Variants in EIPR1 observed in about 807,000 individuals in gnomAD.
The protein encoded by EIPR1 is EARP complex and GARP complex interacting protein 1.
Under a neutral mutation model 48.1 loss-of-function variants are expected in EIPR1, and 25 were observed. The observed-to-expected ratio is 0.52, with a 90% CI of 0.38 to 0.73. EIPR1 has a LOEUF of 0.73. EIPR1 is among the 30% of genes least tolerant of loss of function. EIPR1 has a pLI of 0.00. For synonymous variants in EIPR1, 204 were observed against 201.9 expected (o/e 1.01, Z -0.09); for missense variants, 415 against 506.2 (o/e 0.82, Z 1.73).
intron 3 of EIPR1, among the ~76,000 whole-genome samples, chr2:3,311,663 G>A (rs1242127333): frequency 6.6e-6 from 1 of 152,222 alleles, no homozygotes; most frequent in Non-Finnish European, 1.5e-5. Flanking sequence ...ATGAGGTGGT[G>A]TCTGCAGAGT....
chr2:3,244,287 TC>T (rs1327364646), intron 4 of EIPR1, among the ~76,000 whole-genome samples: 1 of 152,164 alleles, frequency 6.6e-6, no homozygotes, highest in African/African-American at 2.4e-5. Context: ...CTCTTTCTCC[TC>T]CCCTGACCCC....
At chr2:3,236,886 G>A (rs1475839792) in intron 4 of EIPR1, among the ~76,000 whole-genome samples, 1 of 152,192 alleles carries the variant, frequency 6.6e-6, no homozygotes, top group African/African-American at 2.4e-5. Context: ...CAATTTTCAG[G>A]AAGCTTGTTG....
chr2:3,235,462 A>ACACC (rs34325654), intron 4 of EIPR1, among the ~76,000 whole-genome samples: 132,269 of 151,616 alleles, frequency 0.87, 58,369 homozygotes, highest in East Asian at 0.95. Flanking sequence ...ACACACACAC[A>ACACC]CCCCCCAATA....
At chr2:3,333,509 G>A (rs1329771535) in intron 3 of EIPR1, among the ~76,000 whole-genome samples, 2 of 152,118 alleles carry the variant, frequency 1.3e-5, no homozygotes, top group South Asian at 2.1e-4. Flanking sequence ...AGGGTGAAGC[G>A]GGTAGATCAT....
At chr2:3,210,087 C>T (rs554875740) in intron 5 of EIPR1, among the ~76,000 whole-genome samples, 2 of 151,992 alleles carry the variant, frequency 1.3e-5, no homozygotes, top group African/African-American at 4.8e-5. Context: ...CCCACGCCAG[C>T]AGGGGATATG....
rs143207957 is a variant in EIPR1 at position 3,264,684 on chromosome 2, T to TTTTG, written c.260-7233_260-7230dup. Among the ~76,000 whole-genome samples the TTTTG allele has an allele frequency of 9.5e-3, 1,451 of 152,080 alleles. 21 individuals carry two copies. The highest frequency in any genetic ancestry group is 0.031 in the African/African-American group (1,296 of 41,460). ...GCAAAACACTATGAACCAATGCTGT[T>TTTTG]TTTGTTTGTTTGTTTGTTTGTTTGT... On this transcript the variant is annotated intron_variant, in intron 3 of 8. Coordinates refer to ENST00000382125, the MANE Select transcript of EIPR1 (RefSeq NM_003310.5).
chr2:3,306,827 C>A (rs1045291429), intron 3 of EIPR1, among the ~76,000 whole-genome samples: 1 of 152,098 alleles, frequency 6.6e-6, no homozygotes, highest in Non-Finnish European at 1.5e-5. Flanking sequence ...TAAGTGGACC[C>A]CCCCAGTCCA....
At position 3,354,574 on chromosome 2, in the gene EIPR1, C is replaced by A; in HGVS notation, c.102G>T (p.Thr34=). Residue 34 remains threonine, a synonymous_variant, in exon 2 of 9, where the codon ACG becomes ACT. Coordinates refer to ENST00000382125, the MANE Select transcript of EIPR1 (RefSeq NM_003310.5). ...ETDAIRFLVG[T]QSLKYDNQIH... ...CCTGATTATCATATTTAAGAGACTG[C>A]GTCCCAACCAAAAACCGAATGGCAT... The A allele has an allele frequency of 6.2e-7, 1 of 1,613,972 alleles. No individual in the cohort carries two copies. The highest frequency in any genetic ancestry group is 1.1e-5 in the South Asian group (1 of 91,068).
At chr2:3,199,804 T>TG (rs543448012) in intron 5 of EIPR1, among the ~76,000 whole-genome samples, 17 of 43,180 alleles carry the variant, frequency 3.9e-4, no homozygotes, top group African/African-American at 1.1e-3. Flanking sequence ...TGGGCACGCA[T>TG]GGGGGGGTGT....
At chr2:3,256,063 A>T (rs1572361994) in intron 4 of EIPR1, among the ~76,000 whole-genome samples, 1 of 152,164 alleles carries the variant, frequency 6.6e-6, no homozygotes, top group Admixed American at 6.5e-5. Context: ...ACTGGCTGTG[A>T]TTTTAATACT....
At chr2:3,304,928 G>GTACCGTCCAGTTCAGCCCTCCAA in intron 3 of EIPR1, among the ~76,000 whole-genome samples, 1 of 68,376 alleles carries the variant, frequency 1.5e-5, no homozygotes, top group African/African-American at 6.0e-5. Flanking sequence ...CAACCCTCCA[G>GTACCGTCCAGTTCAGCCCTCCAA]TCCCGTCCAG....
At chr2:3,360,329 G>A (rs1670822067) in intron 1 of EIPR1, among the ~76,000 whole-genome samples, 1 of 151,866 alleles carries the variant, frequency 6.6e-6, no homozygotes, top group South Asian at 2.1e-4. Flanking sequence ...GCTTGAACCA[G>A]GGAGGCAGAA....
chr2:3,295,296 T>C (rs1311432637), intron 3 of EIPR1, among the ~76,000 whole-genome samples: 1 of 122,638 alleles, frequency 8.2e-6, no homozygotes, highest in African/African-American at 3.2e-5. Context: ...GCCCGTCCTC[T>C]CTCCACACAC....
At chr2:3,242,197 ACGGC>A in intron 4 of EIPR1, among the ~76,000 whole-genome samples, 2 of 146,508 alleles carry the variant, frequency 1.4e-5, no homozygotes, top group Non-Finnish European at 3.1e-5. Flanking sequence ...GCAGCCACTG[ACGGC>A]TGGAAGACAG....
At chr2:3,247,253 G>A (rs553692050) in intron 4 of EIPR1, among the ~76,000 whole-genome samples, 4 of 152,262 alleles carry the variant, frequency 2.6e-5, no homozygotes, top group African/African-American at 9.6e-5. Context: ...CTTGGGAAAC[G>A]GAGCACAACA....
intron 3 of EIPR1, among the ~76,000 whole-genome samples, chr2:3,310,760 G>A (rs1669107731): frequency 6.6e-6 from 1 of 151,616 alleles, no homozygotes; most frequent in Non-Finnish European, 1.5e-5. Flanking sequence ...AATCTTCAGG[G>A]TACAGTTGTA....
intron 2 of EIPR1, among the ~76,000 whole-genome samples, chr2:3,350,815 C>T (rs890482878): frequency 1.3e-5 from 2 of 151,962 alleles, no homozygotes; most frequent in Non-Finnish European, 2.9e-5. Flanking sequence ...ATAAAACATA[C>T]TGTTGACTCA....
Position 3,235,206 on chromosome 2 carries a change from G to A in EIPR1, c.417-20958C>T, listed in dbSNP as rs190015446. On this transcript the variant is annotated intron_variant, in intron 4 of 8. Transcript: ENST00000382125. The stretch of plus-strand genomic sequence containing the variant: ...TTATTCACTCACTACCCTCTTCAAA[G>A]ATGTATGAGCCAGATGAGTGCTACA... Among the ~76,000 whole-genome samples the A allele has an allele frequency of 1.1e-4, 17 of 152,328 alleles. No homozygotes were observed. In the East Asian group the frequency reaches 3.3e-3, roughly 29 times the overall value.
intron 1 of EIPR1, among the ~76,000 whole-genome samples, chr2:3,355,811 C>CAAAA (rs1296781463): frequency 3.3e-4 from 27 of 80,658 alleles, no homozygotes; most frequent in Non-Finnish European, 5.9e-4. Flanking sequence ...AAGACCCTGT[C>CAAAA]TAAATAAAAT....
Sources: gnomAD v4.1 joint callset for allele counts (sites outside exome capture counted in the v4.1 genomes callset) on GRCh38, gnomAD v4.1.1 for gene constraint, MANE v1.5 for transcripts, NCBI Gene and HGNC (gene_info 2026-07-23, HGNC 2026-07-21) for gene names.